The following AGPAT4 variants were observed in gnomAD, a reference collection of about 807,000 sequenced individuals.
AGPAT4 encodes the protein 1-acyl-sn-glycerol-3-phosphate acyltransferase delta.
A neutral mutation model predicts 48.0 loss-of-function variants in AGPAT4; 15 were observed. The observed-to-expected ratio is 0.31, with a 90% CI of 0.21 to 0.48. The LOEUF (loss-of-function observed/expected upper bound fraction) is 0.48, where lower values mean the gene tolerates loss of function less well. AGPAT4 is among the 20% of genes least tolerant of loss of function. AGPAT4 has a pLI of 0.99. For synonymous variants in AGPAT4, 178 were observed against 198.7 expected (o/e 0.90, Z 0.88); for missense variants, 314 against 482.5 (o/e 0.65, Z 3.27).
rs542043513 is a variant in AGPAT4, at chr6:161,220,701, A to G, written c.178+11335T>C. 2.8e-4 allele frequency among the ~76,000 whole-genome samples: 42 copies of G among 152,290 alleles called. No individual in the cohort carries two copies. The highest frequency in any genetic ancestry group is 5.7e-4 in the Non-Finnish European group (39 of 68,032). ...CTGCCTTTCTCTATGTTTGAAGGAC[A>G]GTTTCATTCTATCTTTCCTACGCAG... On this transcript the variant is annotated intron_variant, in intron 2 of 8. Coordinates refer to ENST00000320285, the MANE Select transcript of AGPAT4 (RefSeq NM_020133.3). The surrounding 1 kb of genome is among the most constrained non-coding windows in gnomAD (Gnocchi z 6.0).
Position 161,238,724 on chromosome 6 carries a change from G to A in AGPAT4, c.-89-6422C>T, listed in dbSNP as rs1782387929. Among the ~76,000 whole-genome samples the A allele has an allele frequency of 6.6e-6, 1 of 152,178 alleles. No homozygotes were observed. Reference sequence around the variant, plus strand: ...TTCCCATAATCTCCACATGTCGTGGGAGGGAACCAGTGGGAGGTAACTGAA... The same window carrying A: ...TTCCCATAATCTCCACATGTCGTGGAAGGGAACCAGTGGGAGGTAACTGAA... On this transcript the variant is annotated intron_variant, in intron 1 of 8. Transcript: ENST00000320285. The surrounding 1 kb of genome is among the most constrained non-coding windows in gnomAD (Gnocchi z 5.2).
At chr6:161,190,587 G>GAA (rs11339502) in intron 2 of AGPAT4, among the ~76,000 whole-genome samples, 68 of 131,324 alleles carry the variant, frequency 5.2e-4, no homozygotes, top group Admixed American at 1.1e-3. Context: ...GAAACCAAGG[G>GAA]AAAAAAAAAA....
intron 1 of AGPAT4, among the ~76,000 whole-genome samples, chr6:161,257,370 A>C (rs185392260): frequency 6.6e-6 from 1 of 152,166 alleles, no homozygotes; most frequent in East Asian, 1.9e-4. Flanking sequence ...AATACCTATC[A>C]AAGGCCAAAT....
rs971707425 is a variant in AGPAT4, at chr6:161,158,667, A to C, written c.349-4357T>G. Among the ~76,000 whole-genome samples the C allele has an allele frequency of 3.3e-5, 5 of 152,222 alleles. No homozygotes were observed. The highest frequency in any genetic ancestry group is 7.3e-5 in the Non-Finnish European group (5 of 68,050). ...GACGTTGGGAAGAGCTGACGCAGAG[A>C]GGGCCTGAGACCCAGTACTCTGACC... On this transcript the variant is annotated intron_variant, in intron 3 of 8. Coordinates refer to ENST00000320285, the MANE Select transcript of AGPAT4 (RefSeq NM_020133.3). The surrounding 1 kb of genome is among the most constrained non-coding windows in gnomAD (Gnocchi z 5.3).
rs2114967666 is a variant in AGPAT4 at position 161,154,766 on chromosome 6, C to T, written c.349-456G>A. Among the ~76,000 whole-genome samples the T allele has an allele frequency of 6.6e-6, 1 of 152,368 alleles. No individual in the cohort carries two copies. The highest frequency in any genetic ancestry group is 2.1e-4 in the South Asian group (1 of 4,832). On this transcript the variant is annotated intron_variant, in intron 3 of 8. Coordinates refer to ENST00000320285, the MANE Select transcript of AGPAT4 (RefSeq NM_020133.3). The surrounding 1 kb of genome is among the most constrained non-coding windows in gnomAD (Gnocchi z 7.8). Reference sequence around the variant, plus strand: ...TACAAAATATAGTAATTCTTGATCGCTGAAAATGTCAAACGCTAGAAAATG... The same window carrying T: ...TACAAAATATAGTAATTCTTGATCGTTGAAAATGTCAAACGCTAGAAAATG...
At position 161,202,590 on chromosome 6, in the gene AGPAT4, A is replaced by G. The variant is rs1781265233; in HGVS notation, c.178+29446T>C. ...AAGACATATTTAAAAATTACCATCT[A>G]TAACAGACTGTATTTTCCAAAGATG... is the stretch of plus-strand genomic sequence containing the variant. On this transcript the variant is annotated intron_variant, in intron 2 of 8. Transcript: ENST00000320285. The surrounding 1 kb of genome is among the most constrained non-coding windows in gnomAD (Gnocchi z 5.4). Among the ~76,000 whole-genome samples the G allele has an allele frequency of 6.6e-6, 1 of 152,194 alleles. No individual in the cohort carries two copies. The highest frequency in any genetic ancestry group is 1.9e-4 in the East Asian group (1 of 5,190).
At chr6:161,167,778 T>C (rs1393940949) in intron 2 of AGPAT4, among the ~76,000 whole-genome samples, 1 of 152,222 alleles carries the variant, frequency 6.6e-6, no homozygotes, top group African/African-American at 2.4e-5. Flanking sequence ...TGCGGGACTT[T>C]GGACAAATTA....
chr6:161,157,410 T>A (rs1216673393), intron 3 of AGPAT4, among the ~76,000 whole-genome samples: 1 of 152,206 alleles, frequency 6.6e-6, no homozygotes, highest in Non-Finnish European at 1.5e-5. Context: ...CCTCCCAGGT[T>A]CAAGTGATTC....
rs1180479458 is a variant in AGPAT4, at chr6:161,184,142, T to G, written c.179-17725A>C. 6.6e-6 allele frequency among the ~76,000 whole-genome samples: 1 copy of G among 151,948 alleles called. No homozygotes were observed. Among genetic ancestry groups the G allele is most frequent in the Non-Finnish European group, 1.5e-5 (1 of 68,006 alleles). On this transcript the variant is annotated intron_variant, in intron 2 of 8. Coordinates refer to ENST00000320285, the MANE Select transcript of AGPAT4 (RefSeq NM_020133.3). The surrounding 1 kb of genome is among the most constrained non-coding windows in gnomAD (Gnocchi z 4.8). ...ACACATTTCAGAGCATGACTTTGGC[T>G]GCTGTGTGGAGAAAGAAGTGCAGCA... is the stretch of plus-strand genomic sequence containing the variant.
chr6:161,173,772 G>GT (rs1780347909), intron 2 of AGPAT4, among the ~76,000 whole-genome samples: 2 of 152,186 alleles, frequency 1.3e-5, no homozygotes, highest in South Asian at 4.1e-4. Flanking sequence ...GGTTTTTATG[G>GT]TTTTAGGTCT....
Position 161,261,415 on chromosome 6 carries a change from C to T in AGPAT4, c.-90+12523G>A, listed in dbSNP as rs1480492633. Reference sequence around the variant, plus strand: ...TGAGTGTCTTTCACCATCATATCCACAGCTCCCAGCACAGACCTGGCATGA... The same window carrying T: ...TGAGTGTCTTTCACCATCATATCCATAGCTCCCAGCACAGACCTGGCATGA... On this transcript the variant is annotated intron_variant, in intron 1 of 8. Transcript: ENST00000320285. This position sits in a 1 kb window ranked among gnomAD's most constrained non-coding sequence, Gnocchi z 5.3. 1.3e-5 allele frequency among the ~76,000 whole-genome samples: 2 copies of T among 152,244 alleles called. No homozygotes were observed. The highest frequency in any genetic ancestry group is 2.9e-5 in the Non-Finnish European group (2 of 68,042).
In AGPAT4 at chr6:161,206,232, G is replaced by A. The variant is rs925394356; in HGVS notation, c.178+25804C>T. Among the ~76,000 whole-genome samples, 2 of 152,098 alleles carry A rather than the reference G, an allele frequency of 1.3e-5. No homozygotes were observed. The highest frequency in any genetic ancestry group is 4.8e-5 in the African/African-American group (2 of 41,404). ...CCAACCCCCCATCAGCAAAGGTTGG[G>A]GTGGGGGGCTGTAATTTCACATCCT... is the stretch of plus-strand genomic sequence containing the variant. On this transcript the variant is annotated intron_variant, in intron 2 of 8. Transcript: ENST00000320285. The surrounding 1 kb of genome is among the most constrained non-coding windows in gnomAD (Gnocchi z 4.8).
chr6:161,199,115 A>AC, intron 2 of AGPAT4, among the ~76,000 whole-genome samples: 1 of 152,266 alleles, frequency 6.6e-6, no homozygotes, highest in East Asian at 1.9e-4. Context: ...ACAAAAAAAA[A>AC]AAACACGTTA....
rs1562557972 is a variant in AGPAT4, at chr6:161,130,648, A to T, written c.*5892T>A. 3.7e-6 allele frequency: 1 copy of T among 272,928 alleles called. No homozygotes were observed. Among genetic ancestry groups the T allele is most frequent in the South Asian group, 3.9e-5 (1 of 25,910 alleles). 16.9% of individuals were successfully genotyped at this position (272,928 alleles called of 1,614,324 possible). A position where few individuals can be genotyped will look rare whatever the true frequency, so the allele number is the denominator to read the frequency against. On this transcript the variant is annotated 3_prime_UTR_variant, in exon 9 of 9. Coordinates refer to ENST00000320285, the MANE Select transcript of AGPAT4 (RefSeq NM_020133.3). The stretch of plus-strand genomic sequence containing the variant: ...CTTTCCTTGATAGAACAAGCAAAAG[A>T]GGGGCTGATCCATCTCCCGTGAACA...
At position 161,233,912 on chromosome 6, in the gene AGPAT4, C is replaced by T. The variant is rs13437215; in HGVS notation, c.-89-1610G>A. Among the ~76,000 whole-genome samples, 608 of 152,340 alleles carry T rather than the reference C, an allele frequency of 4.0e-3. 5 individuals carry two copies. The highest frequency in any genetic ancestry group is 0.014 in the African/African-American group (591 of 41,574). On this transcript the variant is annotated intron_variant, in intron 1 of 8. Transcript: ENST00000320285. This position sits in a 1 kb window ranked among gnomAD's most constrained non-coding sequence, Gnocchi z 5.4. ...CCCACAAGACGAGTATTCTTATCAT[C>T]CCACTTTTCAGAATAAGAAACTGAG...
rs1271062848 is a variant in AGPAT4, at chr6:161,226,711, T to C, written c.178+5325A>G. 2.0e-5 allele frequency among the ~76,000 whole-genome samples: 3 copies of C among 152,194 alleles called. No homozygotes were observed. Among genetic ancestry groups the C allele is most frequent in the Non-Finnish European group, 4.4e-5 (3 of 68,040 alleles). ...AGAATGAAAGCAGATGATAGCACAT[T>C]GATGTGGCCAGGATTCCCCACAGAG... On this transcript the variant is annotated intron_variant, in intron 2 of 8. Transcript: ENST00000320285. This position sits in a 1 kb window ranked among gnomAD's most constrained non-coding sequence, Gnocchi z 6.3.
At chr6:161,209,838 G>A (rs1781477161) in intron 2 of AGPAT4, among the ~76,000 whole-genome samples, 1 of 152,196 alleles carries the variant, frequency 6.6e-6, no homozygotes, top group African/African-American at 2.4e-5. Context: ...CAGGCAGGAT[G>A]TGATGAAGAA....
chr6:161,186,028 A>C (rs1780758753), intron 2 of AGPAT4, among the ~76,000 whole-genome samples: 1 of 152,166 alleles, frequency 6.6e-6, no homozygotes, highest in Non-Finnish European at 1.5e-5. Context: ...TGGAGTAGTG[A>C]GAAATTCTCG....
At position 161,215,807 on chromosome 6, in the gene AGPAT4, C is replaced by A. The variant is rs1781630610; in HGVS notation, c.178+16229G>T. On this transcript the variant is annotated intron_variant, in intron 2 of 8. Coordinates refer to ENST00000320285, the MANE Select transcript of AGPAT4 (RefSeq NM_020133.3). The surrounding 1 kb of genome is among the most constrained non-coding windows in gnomAD (Gnocchi z 4.5). ...ACCAGCCACCAACCCATTGTAATTT[C>A]TCCTTTTTAGGTAGATATACCCATT... is the stretch of plus-strand genomic sequence containing the variant. Among the ~76,000 whole-genome samples the A allele has an allele frequency of 6.6e-6, 1 of 152,092 alleles. No homozygotes were observed. The highest frequency in any genetic ancestry group is 2.4e-5 in the African/African-American group (1 of 41,412).
Sources: gnomAD v4.1 joint callset for allele counts (sites outside exome capture counted in the v4.1 genomes callset) on GRCh38, gnomAD v4.1.1 for gene constraint, Gnocchi (gnomAD v3.1) non-coding constraint, MANE v1.5 for transcripts, NCBI Gene and HGNC (gene_info 2026-07-23, HGNC 2026-07-21) for gene names.